The following MTOR variants were observed in gnomAD, a reference collection of about 807,000 sequenced individuals.
MTOR encodes serine/threonine-protein kinase mTOR.
A neutral mutation model predicts 319.8 loss-of-function variants in MTOR; 70 were observed. The observed-to-expected ratio is 0.22, with a 90% CI of 0.18 to 0.27. MTOR has a LOEUF of 0.27. Ranked by LOEUF, MTOR falls within the 10% of genes least tolerant of loss-of-function variation. The pLI is 1.00. For synonymous variants in MTOR, 1,183 were observed against 1,211.4 expected (o/e 0.98, Z 0.49); for missense variants, 1,890 against 3,274.4 (o/e 0.58, Z 10.32).
chr1:11,246,139 T>C (rs1270691348), intron 8 of MTOR, among the ~76,000 whole-genome samples: 1 of 152,230 alleles, frequency 6.6e-6, no homozygotes, highest in Non-Finnish European at 1.5e-5. Context: ...GTCACTGGCA[T>C]ATTTTAGCAT....
intron 25 of MTOR, among the ~76,000 whole-genome samples, chr1:11,208,855 T>C: frequency 6.6e-6 from 1 of 152,170 alleles, no homozygotes; most frequent in Admixed American, 6.6e-5. Context: ...AGCTGGCAGC[T>C]TGTCAGAAAT....
At chr1:11,254,003 G>C in intron 5 of MTOR, 30 bp from the exon 6 acceptor site, 1 of 1,614,062 alleles carries the variant, frequency 6.2e-7, no homozygotes, top group Non-Finnish European at 8.5e-7. Context: ...GCCTTCATTA[G>C]AGACAGAGTA....
intron 36 of MTOR, among the ~76,000 whole-genome samples, chr1:11,135,298 G>GAA (rs548505677): frequency 6.7e-6 from 1 of 148,400 alleles, no homozygotes; most frequent in Non-Finnish European, 1.5e-5. Flanking sequence ...CCCACAAATA[G>GAA]AAAAAAAAAT....
chr1:11,240,714 C>G (rs934139413), intron 10 of MTOR, among the ~76,000 whole-genome samples, 167 bp from the exon 11 acceptor site: 1 of 152,176 alleles, frequency 6.6e-6, no homozygotes, highest in Non-Finnish European at 1.5e-5. Context: ...GGCTTAGTCT[C>G]AGGTCTCCAA....
chr1:11,249,307 A>T (rs1479652820), intron 6 of MTOR, among the ~76,000 whole-genome samples: 1 of 152,180 alleles, frequency 6.6e-6, no homozygotes, highest in Non-Finnish European at 1.5e-5. Context: ...CCAAACTTCT[A>T]AACTTTTCTT....
intron 47 of MTOR, 46 bp from the exon 48 acceptor site, chr1:11,122,172 T>A (rs113879078): frequency 1.2e-6 from 2 of 1,610,562 alleles, no homozygotes; most frequent in Non-Finnish European, 8.5e-7. Flanking sequence ...AAAGAGAGTA[T>A]ACCCTTGAGC....
At chr1:11,235,147 C>T (rs1380173976) in intron 13 of MTOR, among the ~76,000 whole-genome samples, 1 of 152,198 alleles carries the variant, frequency 6.6e-6, no homozygotes, top group East Asian at 1.9e-4. Flanking sequence ...GAGAATAGAC[C>T]TGCAGCACCA....
At chr1:11,117,614 G>T (rs909095427) in intron 49 of MTOR, among the ~76,000 whole-genome samples, 4 of 152,056 alleles carry the variant, frequency 2.6e-5, no homozygotes, top group Non-Finnish European at 4.4e-5. Context: ...AAAAATATCA[G>T]TTTAAGGATA....
At chr1:11,170,294 ACTGGGCTTTGTGCCC>A (rs1644771774) in intron 28 of MTOR, among the ~76,000 whole-genome samples, 15 of 152,292 alleles carry the variant, frequency 9.8e-5, no homozygotes, top group African/African-American at 3.6e-4. Context: ...TAAATCAGGT[ACTGGGCTTTGTGCCC>A]AATCACATGG....
At position 11,157,142 on chromosome 1, in the gene MTOR, G is replaced by A. The variant is rs1274895915; in HGVS notation, c.4469+10C>T. 3 of 1,593,324 alleles carry A rather than the reference G, an allele frequency of 1.9e-6. No individual in the cohort carries two copies. The highest frequency in any genetic ancestry group is 4.5e-5 in the East Asian group (2 of 43,960). ...TGCAGCCACACATGCCATCATTCTAGGAAGCTCACCATTCCCCCAAGGCCT... is the reference window on the plus strand; with the variant it reads ...TGCAGCCACACATGCCATCATTCTAAGAAGCTCACCATTCCCCCAAGGCCT... On this transcript the variant is annotated intron_variant, in intron 30 of 57. Transcript: ENST00000361445.
chr1:11,128,473 A>G lies in MTOR; in HGVS notation c.5891T>C (p.Ile1964Thr). The change falls in exon 42 of 58, where the codon ATT becomes ACT. Residue 1964 changes from isoleucine (I) to threonine (T), a missense_variant. This residue lies in a region of MTOR where 249 missense variants were observed against 596.2 expected (regional missense o/e 0.42). Coordinates refer to ENST00000361445, the MANE Select transcript of MTOR (RefSeq NM_004958.4). The surrounding 1 kb of genome is among the most constrained non-coding windows in gnomAD (Gnocchi z 5.3). ...GRLIHQLLTD[I>T]GRYHPQALIY... ...ACATACCTGGGGGTGGTACCGACCA[A>G]TGTCTGTGAGAAGCTGGTGAATGAG... is the stretch of plus-strand genomic sequence containing the variant. 6.2e-7 allele frequency: 1 copy of G among 1,614,182 alleles called. No individual in the cohort carries two copies. Among genetic ancestry groups the G allele is most frequent in the Non-Finnish European group, 8.5e-7 (1 of 1,180,024 alleles).
chr1:11,213,123 T>C (rs1489540077), intron 21 of MTOR, among the ~76,000 whole-genome samples: 1 of 152,236 alleles, frequency 6.6e-6, no homozygotes, highest in Admixed American at 6.5e-5. Context: ...TTTGAGTTGA[T>C]AAGGAATCCG....
intron 19 of MTOR, among the ~76,000 whole-genome samples, chr1:11,224,835 T>C (rs902980913): frequency 2.6e-5 from 4 of 152,154 alleles, no homozygotes; most frequent in Non-Finnish European, 5.9e-5. Context: ...GGAAAATATT[T>C]CTGGACAATA....
intron 45 of MTOR, 22 bp from the exon 46 acceptor site, chr1:11,126,818 T>G: frequency 1.2e-6 from 2 of 1,609,450 alleles, no homozygotes; most frequent in African/African-American, 1.3e-5. Flanking sequence ...TACCAAAGGA[T>G]TTAGTGTTCT....
chr1:11,194,412 T>G, intron 28 of MTOR: 4 of 1,579,420 alleles, frequency 2.5e-6, no homozygotes, highest in Non-Finnish European at 3.5e-6. Context: ...AGAGACAGCA[T>G]GAAATGGAGC....
At chr1:11,130,956 ACTTT>A in intron 38 of MTOR, 179 bp from the exon 39 acceptor site, 2 of 757,264 alleles carry the variant, frequency 2.6e-6, no homozygotes, top group Non-Finnish European at 4.2e-6. Flanking sequence ...TGATCCACTC[ACTTT>A]GTGGAGCACT....
At chr1:11,254,082 A>G in intron 5 of MTOR, 109 bp from the exon 6 acceptor site, 2 of 1,192,856 alleles carry the variant, frequency 1.7e-6, no homozygotes, top group East Asian at 2.4e-5. Flanking sequence ...ACGCCTGCTC[A>G]GTGCCTAGTG....
chr1:11,130,572 T>G lies in MTOR; in HGVS notation c.5570A>C (p.Glu1857Ala), dbSNP rs1643091373. ...CAGCGGCGATGGGGTGGGGCTGTTC[T>G]CGGTGCTCTCGGCCTCGCTCTCACT... ...SNSESEAEST[E>A]NSPTPSPLQK... Residue 1857 changes from glutamate to alanine, a missense_variant, in exon 39 of 58, where the codon GAG becomes GCG. Glu to Ala is a moderately radical substitution (Grantham distance 107, BLOSUM62 -1). Transcript: ENST00000361445. 1 of 1,613,504 alleles carries G rather than the reference T, an allele frequency of 6.2e-7. No individual in the cohort carries two copies. Among genetic ancestry groups the G allele is most frequent in the Non-Finnish European group, 8.5e-7 (1 of 1,180,004 alleles).
intron 28 of MTOR, chr1:11,194,495 GC>G: frequency 6.2e-7 from 1 of 1,614,142 alleles, no homozygotes; most frequent in Non-Finnish European, 8.5e-7. Flanking sequence ...GCTGAGTATA[GC>G]CACTTTGTTT....
Sources: allele counts gnomAD v4.1 joint callset (sites outside exome capture counted in the v4.1 genomes callset), GRCh38; gene constraint gnomAD v4.1.1; regional missense constraint gnomAD v4.1.1; non-coding constraint Gnocchi (gnomAD v3.1); transcripts MANE v1.5; gene names NCBI Gene and HGNC (gene_info 2026-07-23, HGNC 2026-07-21).